UNC5A: variants seen among roughly 807,000 people sequenced by gnomAD.
UNC5A encodes netrin receptor UNC5A.
A neutral mutation model predicts 87.4 loss-of-function variants in UNC5A; 20 were observed. The ratio of observed to expected loss-of-function variants is 0.23; its 90% CI spans 0.16 to 0.33. The LOEUF is 0.33. Ranked by LOEUF, UNC5A falls within the 10% of genes least tolerant of loss-of-function variation. The pLI, the probability that UNC5A is intolerant of heterozygous loss-of-function variation, is 1.00. For synonymous variants in UNC5A, 438 were observed against 482.3 expected (o/e 0.91, Z 1.20); for missense variants, 844 against 1,133.4 (o/e 0.74, Z 3.67).
intron 1 of UNC5A, among the ~76,000 whole-genome samples, chr5:176,836,698 C>A (rs1367570267): frequency 6.6e-6 from 1 of 152,110 alleles, no homozygotes; most frequent in East Asian, 1.9e-4. Flanking sequence ...TTCACTATGC[C>A]CCAGCCTGAC....
chr5:176,866,524 G>T lies in UNC5A; in HGVS notation c.293-1606G>T, dbSNP rs955728575. Among the ~76,000 whole-genome samples the T allele has an allele frequency of 6.6e-6, 1 of 152,176 alleles. No individual in the cohort carries two copies. Among genetic ancestry groups the T allele is most frequent in the African/African-American group, 2.4e-5 (1 of 41,434 alleles). On this transcript the variant is annotated intron_variant, in intron 2 of 14. Transcript: ENST00000329542. This position sits in a 1 kb window ranked among gnomAD's most constrained non-coding sequence, Gnocchi z 5.0. ...TGGGTGAGGCTCCTGAAGGAGGGCC[G>T]GGCTCCCCACAGCACCACGGGGGAT...
intron 1 of UNC5A, among the ~76,000 whole-genome samples, chr5:176,850,511 G>A (rs1309532117): frequency 6.6e-6 from 1 of 152,056 alleles, no homozygotes; most frequent in African/African-American, 2.4e-5. Context: ...CCTGCTGACT[G>A]CAAGAGGCAG....
chr5:176,873,977 G>T lies in UNC5A; in HGVS notation c.896G>T (p.Gly299Val), dbSNP rs1432636539. Residue 299 changes from glycine (G) to valine (V), a missense_variant, in exon 7 of 15, where the codon GGC (glycine) becomes GTC (valine). Coordinates refer to ENST00000329542, the MANE Select transcript of UNC5A (RefSeq NM_133369.3). ...TSDLCVHTAS[G>V]PEDVALYVGL... ...ATGCTGTCTCCCGCAGCTGCTTCTGGCCCTGAGGACGTGGCCCTCTATGTG... is the reference window on the plus strand; with the variant it reads ...ATGCTGTCTCCCGCAGCTGCTTCTGTCCCTGAGGACGTGGCCCTCTATGTG... 1.9e-6 allele frequency: 3 copies of T among 1,613,064 alleles called. No homozygotes were observed. Among genetic ancestry groups the T allele is most frequent in the African/African-American group, 2.7e-5 (2 of 74,892 alleles).
At chr5:176,877,036 G>C (rs1758278123) in intron 8 of UNC5A, among the ~76,000 whole-genome samples, 156 bp from the exon 9 acceptor site, 1 of 152,184 alleles carries the variant, frequency 6.6e-6, no homozygotes, top group African/African-American at 2.4e-5. Context: ...TGCCTGTGGG[G>C]GTGGTTGGTC....
intron 1 of UNC5A, among the ~76,000 whole-genome samples, chr5:176,830,688 GCA>G (rs1756989586): frequency 7.0e-6 from 1 of 142,590 alleles, no homozygotes; most frequent in African/African-American, 2.7e-5. Context: ...GTGTGTGCTG[GCA>G]TGTGTGTGCA....
In UNC5A at chr5:176,848,349, C is replaced by T. The variant is rs1028409296; in HGVS notation, c.71-14275C>T. Reference sequence around the variant, plus strand: ...GGGCCCAGACAGGGCAGCGGCTCATCTGAGGCTGCATAGTGACACTGAGGC... The same window carrying T: ...GGGCCCAGACAGGGCAGCGGCTCATTTGAGGCTGCATAGTGACACTGAGGC... On this transcript the variant is annotated intron_variant, in intron 1 of 14. Coordinates refer to ENST00000329542, the MANE Select transcript of UNC5A (RefSeq NM_133369.3). The surrounding 1 kb of genome is among the most constrained non-coding windows in gnomAD (Gnocchi z 5.8). 1.3e-5 allele frequency among the ~76,000 whole-genome samples: 2 copies of T among 152,154 alleles called. No homozygotes were observed. The highest frequency in any genetic ancestry group is 2.9e-5 in the Non-Finnish European group (2 of 68,040).
At position 176,866,836 on chromosome 5, in the gene UNC5A, G is replaced by A. The variant is rs1757987105; in HGVS notation, c.293-1294G>A. Among the ~76,000 whole-genome samples, 4 of 152,308 alleles carry A rather than the reference G, an allele frequency of 2.6e-5. No individual in the cohort carries two copies. In the South Asian group the frequency reaches 8.3e-4, roughly 32 times the overall value. On this transcript the variant is annotated intron_variant, in intron 2 of 14. Coordinates refer to ENST00000329542, the MANE Select transcript of UNC5A (RefSeq NM_133369.3). This position sits in a 1 kb window ranked among gnomAD's most constrained non-coding sequence, Gnocchi z 5.0. ...TGTCTTAGAGAACGGGGCAGGTGGTGCCCAGAACGGAGGGAAGCGGCCCAG... is the reference window on the plus strand; with the variant it reads ...TGTCTTAGAGAACGGGGCAGGTGGTACCCAGAACGGAGGGAAGCGGCCCAG...
intron 1 of UNC5A, 67 bp from the exon 2 acceptor site, chr5:176,862,557 C>G: frequency 4.1e-6 from 6 of 1,469,482 alleles, no homozygotes; most frequent in Middle Eastern, 1.9e-4. Context: ...GAATCGTTTG[C>G]TGAGCCGCTG....
Position 176,874,121 on chromosome 5 carries a change from G to T in UNC5A, c.1040G>T (p.Gly347Val). The change falls in exon 7 of 15, where the codon GGC (glycine) becomes GTC (valine). Residue 347 changes from glycine (G) to valine (V), a missense_variant. Physicochemically the swap from Gly to Val is moderately radical, Grantham distance 109. Coordinates refer to ENST00000329542, the MANE Select transcript of UNC5A (RefSeq NM_133369.3). This position sits in a 1 kb window ranked among gnomAD's most constrained non-coding sequence, Gnocchi z 7.6. The stretch of plus-strand genomic sequence containing the variant: ...GCTGACTCGTCCATTCTCACCTCAG[G>T]CTTCCAGCCCGTCAGCATCAAGCCC... ...DVADSSILTS[G>V]FQPVSIKPSK... is the part of the protein sequence containing the mutation. The T allele has an allele frequency of 6.2e-7, 1 of 1,613,968 alleles. No homozygotes were observed. The highest frequency in any genetic ancestry group is 8.5e-7 in the Non-Finnish European group (1 of 1,179,956).
rs545612488 is a variant in UNC5A, at chr5:176,862,368, C to T, written c.71-256C>T. Among the ~76,000 whole-genome samples the T allele has an allele frequency of 4.8e-4, 73 of 152,360 alleles. No individual in the cohort carries two copies. The Middle Eastern group carries it at 0.014, about 28-fold the overall frequency. ...CCAGGCCACCTCGGTGCTGGGACTC[C>T]GCCCAGGTCTCATTTCACCTCACCA... On this transcript the variant is annotated intron_variant, in intron 1 of 14. Coordinates refer to ENST00000329542, the MANE Select transcript of UNC5A (RefSeq NM_133369.3).
At chr5:176,879,529 G>A (rs775820788) in intron 14 of UNC5A, 41 bp downstream of exon 14, 45 of 1,571,196 alleles carry the variant, frequency 2.9e-5, no homozygotes, top group African/African-American at 4.1e-5. Flanking sequence ...GCAGGCCACC[G>A]ACAGTCCTGC....
Position 176,874,668 on chromosome 5 carries a change from T to A in UNC5A, c.1378+102T>A, listed in dbSNP as rs1444876530. The A allele has an allele frequency of 7.4e-7, 1 of 1,346,968 alleles. No homozygotes were observed. Among genetic ancestry groups the A allele is most frequent in the East Asian group, 2.6e-5 (1 of 38,558 alleles). 83.4% of individuals were successfully genotyped at this position (1,346,968 alleles called of 1,614,324 possible). A position where few individuals can be genotyped will look rare whatever the true frequency, so the allele number is the denominator to read the frequency against. ...GTGCCCCTCGGTGTCCCGTGACAGA[T>A]CAGCAAGGAAAGGGGGTGGAGTTTT... On this transcript the variant is annotated intron_variant, in intron 8 of 14. Coordinates refer to ENST00000329542, the MANE Select transcript of UNC5A (RefSeq NM_133369.3). This position sits in a 1 kb window ranked among gnomAD's most constrained non-coding sequence, Gnocchi z 7.6.
At position 176,868,787 on chromosome 5, in the gene UNC5A, G is replaced by T; in HGVS notation, c.544G>T (p.Glu182Ter). The change falls in exon 5 of 15, where the codon GAG becomes TAG. Residue 182 changes from glutamate (E) to a stop codon, truncating the protein, a stop_gained. Coordinates refer to ENST00000329542, the MANE Select transcript of UNC5A (RefSeq NM_133369.3). LOFTEE classifies it high-confidence loss of function. ...ATGGCAGGGCTCCCTCCCCTAGGTG[G>T]AGTGGCTCCGGAACGAGGACCTGGT... ...PPEGIPPAEV[E>*]WLRNEDLVDP... The T allele has an allele frequency of 6.3e-7, 1 of 1,597,366 alleles. No homozygotes were observed. The highest frequency in any genetic ancestry group is 8.6e-7 in the Non-Finnish European group (1 of 1,167,970).
At chr5:176,833,699 T>A (rs374556757) in intron 1 of UNC5A, among the ~76,000 whole-genome samples, 1 of 151,780 alleles carries the variant, frequency 6.6e-6, no homozygotes, top group South Asian at 2.1e-4. Flanking sequence ...CCTCTTTTTT[T>A]ATCTTTTTTC....
intron 1 of UNC5A, among the ~76,000 whole-genome samples, chr5:176,840,679 TC>T (rs142470118): frequency 1.3e-5 from 2 of 151,852 alleles, no homozygotes; most frequent in East Asian, 1.9e-4. Context: ...AGGGGGCCTC[TC>T]CCCCCCTGGC....
At chr5:176,867,101 G>T (rs1023779027) in intron 2 of UNC5A, among the ~76,000 whole-genome samples, 1 of 152,192 alleles carries the variant, frequency 6.6e-6, no homozygotes, top group Non-Finnish European at 1.5e-5. Flanking sequence ...ATTGAATTTC[G>T]CTGTTAACAA....
Position 176,874,445 on chromosome 5 carries a change from C to T in UNC5A, c.1257C>T (p.Ala419=), listed in dbSNP as rs1221068487. Residue 419 remains alanine (A), a synonymous_variant, in exon 8 of 15, where the codon GCC becomes GCT. Coordinates refer to ENST00000329542, the MANE Select transcript of UNC5A (RefSeq NM_133369.3). This position sits in a 1 kb window ranked among gnomAD's most constrained non-coding sequence, Gnocchi z 7.6. ...TLHHSSPTSE[A]EEFVSRLSTQ... The stretch of plus-strand genomic sequence containing the variant: ...ACCACAGCTCTCCCACCTCTGAGGC[C>T]GAGGAGTTCGTCTCCCGCCTCTCCA... The T allele has an allele frequency of 3.1e-6, 5 of 1,612,336 alleles. No individual in the cohort carries two copies. Among genetic ancestry groups the T allele is most frequent in the African/African-American group, 1.3e-5 (1 of 75,032 alleles).
At chr5:176,855,882 A>C (rs866815114) in intron 1 of UNC5A, among the ~76,000 whole-genome samples, 27 of 152,268 alleles carry the variant, frequency 1.8e-4, no homozygotes, top group African/African-American at 4.6e-4. Context: ...ACCCCATTTC[A>C]CATCCAGAAC....
At chr5:176,868,384 C>T (rs1758025157) in intron 3 of UNC5A, 111 bp downstream of exon 3, 2 of 1,539,388 alleles carry the variant, frequency 1.3e-6, no homozygotes, top group African/African-American at 1.4e-5. Context: ...CCTCACAGCC[C>T]TGCCTGGATG....
Sources: gnomAD v4.1 joint callset for allele counts (sites outside exome capture counted in the v4.1 genomes callset) on GRCh38, gnomAD v4.1.1 for gene constraint, Gnocchi (gnomAD v3.1) non-coding constraint, MANE v1.5 for transcripts, NCBI Gene and HGNC (gene_info 2026-07-23, HGNC 2026-07-21) for gene names.